The following LRP1B variants were observed in gnomAD, a reference collection of about 807,000 sequenced individuals.
LRP1B encodes low-density lipoprotein receptor-related protein 1B.
Under a neutral mutation model 556.6 loss-of-function variants are expected in LRP1B, and 217 were observed. The observed-to-expected ratio is 0.39, with a 90% CI of 0.35 to 0.44. The LOEUF (loss-of-function observed/expected upper bound fraction) is 0.44. Among genes scored for constraint, LRP1B ranks in the 20% least tolerant of loss-of-function variants. The pLI, the probability that LRP1B is intolerant of heterozygous loss-of-function variation, is 1.00. For synonymous variants in LRP1B, 2,047 were observed against 1,865.8 expected (o/e 1.10, Z -2.50); for missense variants, 5,053 against 5,620.8 (o/e 0.90, Z 3.23).
Position 141,329,041 on chromosome 2 carries a change from C to T in LRP1B, c.344-74400G>A, listed in dbSNP as rs116506484. On this transcript the variant is annotated intron_variant, in intron 3 of 90. Transcript: ENST00000389484. The stretch of plus-strand genomic sequence containing the variant: ...AATTTTCAACTCTAATTGCAATGAC[C>T]ATATCATAAAAATATAAAACTTTAG... 6.1e-3 allele frequency among the ~76,000 whole-genome samples: 924 copies of T among 152,180 alleles called. 5 individuals carry two copies. The highest frequency in any genetic ancestry group is 0.02 in the African/African-American group (843 of 41,512).
In LRP1B at chr2:140,779,034, G is replaced by T. The variant is rs144161243; in HGVS notation, c.5360-2796C>A. ...CAGGTTTAATATCTAATAATATGTGGGTTATGTATAACCCACATCTAAAAA... is the reference window on the plus strand; with the variant it reads ...CAGGTTTAATATCTAATAATATGTGTGTTATGTATAACCCACATCTAAAAA... On this transcript the variant is annotated intron_variant, in intron 32 of 90. Transcript: ENST00000389484. Among the ~76,000 whole-genome samples the T allele has an allele frequency of 9.3e-5, 14 of 150,988 alleles. No homozygotes were observed. The East Asian group carries it at 2.1e-3, about 23-fold the overall frequency.
At chr2:141,224,681 G>A (rs1683176542) in intron 6 of LRP1B, among the ~76,000 whole-genome samples, 1 of 152,098 alleles carries the variant, frequency 6.6e-6, no homozygotes, top group Non-Finnish European at 1.5e-5. Flanking sequence ...CATGGATGGA[G>A]CTGGAAGCCA....
chr2:140,568,359 G>A (rs754134507), intron 43 of LRP1B, among the ~76,000 whole-genome samples: 74 of 151,612 alleles, frequency 4.9e-4, no homozygotes, highest in Non-Finnish European at 1.0e-3. Flanking sequence ...ATAACTGAGA[G>A]TTTCAACATC....
chr2:141,673,874 AT>A (rs1018115905), intron 2 of LRP1B, among the ~76,000 whole-genome samples: 3 of 152,022 alleles, frequency 2.0e-5, no homozygotes, highest in African/African-American at 7.2e-5. Context: ...GTAGGTGTAT[AT>A]ATTTATGGGG....
At chr2:140,716,198 T>A (rs2105462443) in intron 36 of LRP1B, 96 bp from the exon 37 acceptor site, 1 of 868,954 alleles carries the variant, frequency 1.2e-6, no homozygotes, top group East Asian at 2.5e-5. Flanking sequence ...CACATAACTA[T>A]CAAGAAACTG....
At chr2:141,096,665 A>AGAGAGAGAGAGG (rs1700324661) in intron 7 of LRP1B, among the ~76,000 whole-genome samples, 2 of 129,358 alleles carry the variant, frequency 1.5e-5, no homozygotes, top group East Asian at 3.7e-4. Flanking sequence ...AGAGAGAGAG[A>AGAGAGAGAGAGG]GAGAGAGAGA....
intron 3 of LRP1B, among the ~76,000 whole-genome samples, chr2:141,467,329 G>T (rs1358916368): frequency 6.6e-6 from 1 of 151,916 alleles, no homozygotes; most frequent in Non-Finnish European, 1.5e-5. Context: ...ATTTGGAGAA[G>T]TGAAAGAAAA....
intron 2 of LRP1B, among the ~76,000 whole-genome samples, chr2:141,766,240 C>T (rs759789359): frequency 1.1e-4 from 16 of 151,964 alleles, no homozygotes; most frequent in Non-Finnish European, 2.1e-4. Flanking sequence ...TAGGAAAAAC[C>T]TAGGATAAGC....
intron 35 of LRP1B, among the ~76,000 whole-genome samples, chr2:140,766,180 C>A (rs1689097743): frequency 6.9e-6 from 1 of 144,030 alleles, no homozygotes; most frequent in Non-Finnish European, 1.5e-5. Flanking sequence ...AACCTATAAT[C>A]AGGTGAAATA....
intron 43 of LRP1B, among the ~76,000 whole-genome samples, chr2:140,596,097 A>T (rs1413565256): frequency 6.6e-6 from 1 of 152,202 alleles, no homozygotes; most frequent in Non-Finnish European, 1.5e-5. Context: ...AAATTCTTAT[A>T]TAACAGGCCA....
At chr2:140,453,675 A>T (rs965056119) in intron 62 of LRP1B, among the ~76,000 whole-genome samples, 3 of 152,046 alleles carry the variant, frequency 2.0e-5, no homozygotes, top group African/African-American at 7.2e-5. Flanking sequence ...TCCTAAAATG[A>T]TTTTCATTAA....
intron 41 of LRP1B, among the ~76,000 whole-genome samples, chr2:140,643,327 C>T (rs1269709423): frequency 6.6e-6 from 1 of 151,982 alleles, no homozygotes; most frequent in Non-Finnish European, 1.5e-5. Flanking sequence ...TTTCTGTCTA[C>T]ACTTCATTGT....
At chr2:140,281,204 TAAAA>T in intron 84 of LRP1B, among the ~76,000 whole-genome samples, 1 of 151,940 alleles carries the variant, frequency 6.6e-6, no homozygotes, top group African/African-American at 2.4e-5. Flanking sequence ...AGACTCTACA[TAAAA>T]ATATGTGCGT....
intron 1 of LRP1B, among the ~76,000 whole-genome samples, chr2:141,816,245 T>G (rs948447923): frequency 6.6e-6 from 1 of 152,120 alleles, no homozygotes; most frequent in Non-Finnish European, 1.5e-5. Context: ...TGGGTGTGTC[T>G]GTGAGGGGGT....
chr2:140,483,416 C>T (rs990358020), intron 59 of LRP1B, among the ~76,000 whole-genome samples: 6 of 151,454 alleles, frequency 4.0e-5, no homozygotes. Context: ...ACAGGTTTTG[C>T]TTCATAAATA....
chr2:140,438,423 A>G (rs1000598449), intron 66 of LRP1B, among the ~76,000 whole-genome samples: 1 of 152,232 alleles, frequency 6.6e-6, no homozygotes, highest in African/African-American at 2.4e-5. Flanking sequence ...TATAGCTTAT[A>G]GCTATATATA....
intron 2 of LRP1B, among the ~76,000 whole-genome samples, chr2:141,610,967 C>T (rs1688087926): frequency 6.6e-6 from 1 of 152,192 alleles, no homozygotes; most frequent in African/African-American, 2.4e-5. Context: ...CACCAGCTTA[C>T]TGGAACACCA....
At chr2:141,650,854 C>A (rs1156921635) in intron 2 of LRP1B, among the ~76,000 whole-genome samples, 2 of 152,152 alleles carry the variant, frequency 1.3e-5, no homozygotes, top group Non-Finnish European at 2.9e-5. Context: ...AAATATCTCT[C>A]ATTCTACTTA....
intron 84 of LRP1B, among the ~76,000 whole-genome samples, chr2:140,277,497 G>T (rs1682725593): frequency 6.6e-6 from 1 of 151,986 alleles, no homozygotes; most frequent in Non-Finnish European, 1.5e-5. Flanking sequence ...TGAGGCAGGA[G>T]AATCGCTTGA....
Sources: gnomAD v4.1 joint callset for allele counts (sites outside exome capture counted in the v4.1 genomes callset) on GRCh38, gnomAD v4.1.1 for gene constraint, MANE v1.5 for transcripts, NCBI Gene and HGNC (gene_info 2026-07-23, HGNC 2026-07-21) for gene names.